The following GDPD5 variants were observed in gnomAD, a reference collection of about 807,000 sequenced individuals.
The protein encoded by GDPD5 is glycerophosphodiester phosphodiesterase 2.
In GDPD5, 48 loss-of-function variants were observed where a neutral mutation model predicts 75.1. That is an observed-to-expected ratio of 0.64 (90% CI 0.51 to 0.81). The LOEUF is 0.81. Ranked by LOEUF, GDPD5 falls within the 40% of genes least tolerant of loss-of-function variation. The pLI is 0.00. For missense variants in GDPD5, 706 were observed against 822.6 expected, an observed-to-expected ratio of 0.86 and a Z score of 1.73; for synonymous variants, 336 against 339.0, an observed-to-expected ratio of 0.99 and a Z score of 0.10.
At chr11:75,489,741 T>C (rs1003644467) in intron 2 of GDPD5, among the ~76,000 whole-genome samples, 1 of 124,472 alleles carries the variant, frequency 8.0e-6, no homozygotes, top group Non-Finnish European at 1.8e-5. Context: ...TGGGTTTTCA[T>C]TTTTTTTTTT....
In GDPD5 at chr11:75,441,435, C is replaced by T. The variant is rs1008830627; in HGVS notation, c.1326-125G>A. ...ATGCCCGGGGCAAGGAACATTGGCT[C>T]CAGAGGGCCAAGCTCCGGGACAAGC... On this transcript the variant is annotated intron_variant, in intron 13 of 16. Transcript: ENST00000336898. 7.0e-5 allele frequency: 91 copies of T among 1,306,920 alleles called. 2 individuals are homozygous for T. The Admixed American group carries it at 1.7e-3, about 25-fold the overall frequency. 81.0% of individuals were successfully genotyped at this position (1,306,920 alleles called of 1,614,324 possible).
chr11:75,509,815 G>A (rs1432454374), intron 1 of GDPD5, among the ~76,000 whole-genome samples: 1 of 152,202 alleles, frequency 6.6e-6, no homozygotes, highest in Admixed American at 6.5e-5. Flanking sequence ...GAGGAGCTGG[G>A]ATTACAGGCA....
intron 15 of GDPD5, chr11:75,438,784 A>G (rs1948697631): frequency 6.5e-6 from 1 of 154,948 alleles, no homozygotes; most frequent in Non-Finnish European, 1.4e-5. Context: ...TCTGAGGGGA[A>G]TGAGGAAAAG....
chr11:75,489,609 AT>A (rs1422496221), intron 2 of GDPD5, among the ~76,000 whole-genome samples: 2 of 152,226 alleles, frequency 1.3e-5, no homozygotes, highest in Non-Finnish European at 2.9e-5. Flanking sequence ...CTTTTAAAAT[AT>A]AAATCTTCTC....
intron 3 of GDPD5, among the ~76,000 whole-genome samples, chr11:75,472,106 G>C (rs1196071899): frequency 6.6e-6 from 1 of 152,154 alleles, no homozygotes; most frequent in African/African-American, 2.4e-5. Context: ...GTACAAGACA[G>C]GAGGCACATT....
chr11:75,510,802 G>C lies in GDPD5; in HGVS notation c.-145+14408C>G, dbSNP rs79033534. On this transcript the variant is annotated intron_variant, in intron 1 of 16. Coordinates refer to ENST00000336898, the MANE Select transcript of GDPD5 (RefSeq NM_030792.8). ...CCTCCCCATGCTCTTGACCTCCCTT[G>C]CAACATCTGTGCACTCTGCCCAGGG... is the stretch of plus-strand genomic sequence containing the variant. 2.8e-3 allele frequency among the ~76,000 whole-genome samples: 424 copies of C among 149,856 alleles called. 2 individuals carry two copies. The highest frequency in any genetic ancestry group is 0.01 in the African/African-American group (409 of 40,530).
chr11:75,522,342 G>A (rs1348645007), intron 1 of GDPD5, among the ~76,000 whole-genome samples: 1 of 152,174 alleles, frequency 6.6e-6, no homozygotes, highest in East Asian at 1.9e-4. Flanking sequence ...ATTCCTTCTT[G>A]GAGGGATGTC....
At position 75,435,598 on chromosome 11, in the gene GDPD5, T is replaced by G. The variant is rs1027564886; in HGVS notation, c.1727A>C (p.Tyr576Ser). ...GGCGGTGCTGTTGGCATATGTGTCA[T>G]AACTGTTGTCTGAACATACGGAGAG... ...DVLSVCSDNS[Y>S]DTYANSTATP... The change falls in exon 17 of 17, where the codon TAT becomes TCT. Residue 576 changes from tyrosine to serine, a missense_variant. Transcript: ENST00000336898. 34 of 1,613,584 alleles carry G rather than the reference T, an allele frequency of 2.1e-5. No individual in the cohort carries two copies. Among genetic ancestry groups the G allele is most frequent in the Non-Finnish European group, 2.8e-5 (33 of 1,179,808 alleles).
At chr11:75,468,683 C>A (rs1317306633) in intron 3 of GDPD5, among the ~76,000 whole-genome samples, 2 of 152,118 alleles carry the variant, frequency 1.3e-5, no homozygotes, top group African/African-American at 4.8e-5. Context: ...CCCGACGCCC[C>A]CCCCCCGGGA....
At chr11:75,479,886 T>C (rs1304107442) in intron 2 of GDPD5, among the ~76,000 whole-genome samples, 1 of 152,364 alleles carries the variant, frequency 6.6e-6, no homozygotes, top group East Asian at 1.9e-4. Context: ...GGATCAGCAT[T>C]TCATTCCTTT....
intron 1 of GDPD5, among the ~76,000 whole-genome samples, chr11:75,508,559 T>C (rs1272277976): frequency 6.6e-6 from 1 of 152,202 alleles, no homozygotes; most frequent in Non-Finnish European, 1.5e-5. Flanking sequence ...CTTGGTCTTT[T>C]TAAGACAGGG....
At chr11:75,517,454 C>CA (rs566411414) in intron 1 of GDPD5, 3,200 of 142,288 alleles carry the variant, frequency 0.022, 55 homozygotes, top group African/African-American at 0.03. Context: ...AACTCTGTCT[C>CA]AAAAAAAAAA....
chr11:75,435,626 C>T lies in GDPD5; in HGVS notation c.1699G>A (p.Val567Met). 1 of 1,613,156 alleles carries T rather than the reference C, an allele frequency of 6.2e-7. No individual in the cohort carries two copies. Among genetic ancestry groups the T allele is most frequent in the South Asian group, 1.1e-5 (1 of 90,980 alleles). ...EISDGVEVSDVLSVCSDNSYD... is the reference protein window; with the variant it reads ...EISDGVEVSDMLSVCSDNSYD... ...CTGTTGTCTGAACATACGGAGAGCA[C>T]ATCGGAGACCTCTACACCATCGCTG... The change falls in exon 17 of 17, where the codon GTG becomes ATG. Residue 567 changes from valine (V) to methionine (M), a missense_variant. Physicochemically the swap from Val to Met is conservative, Grantham distance 21. Coordinates refer to ENST00000336898, the MANE Select transcript of GDPD5 (RefSeq NM_030792.8).
In GDPD5 at chr11:75,525,710, G is replaced by A. The variant is rs867248045; in HGVS notation, c.-645C>T. On this transcript the variant is annotated 5_prime_UTR_variant, in exon 1 of 17. Transcript: ENST00000336898. ...CGGGCAGGGCAGGGCAGGCGCCGGC[G>A]GGGAGGCGCGGCGGCCGGAGCCCCG... The A allele has an allele frequency of 6.6e-6, 1 of 150,980 alleles. No individual in the cohort carries two copies. Among genetic ancestry groups the A allele is most frequent in the South Asian group, 2.1e-4 (1 of 4,834 alleles). 9.4% of individuals were successfully genotyped at this position (150,980 alleles called of 1,614,324 possible).
chr11:75,470,392 A>T (rs1211486838), intron 3 of GDPD5, among the ~76,000 whole-genome samples: 1 of 152,206 alleles, frequency 6.6e-6, no homozygotes, highest in Non-Finnish European at 1.5e-5. Context: ...AGTCAAATCT[A>T]TCCCTCTTTT....
intron 2 of GDPD5, chr11:75,485,552 C>CAT (rs61294681): frequency 6.8e-6 from 1 of 148,020 alleles, no homozygotes; most frequent in Non-Finnish European, 1.5e-5. Context: ...CACACACACA[C>CAT]GTGTGCACCC....
chr11:75,524,686 G>A (rs781584810), intron 1 of GDPD5, among the ~76,000 whole-genome samples: 1 of 152,206 alleles, frequency 6.6e-6, no homozygotes, highest in Non-Finnish European at 1.5e-5. Flanking sequence ...ACAAGGGCCA[G>A]GAGCTGCTGC....
intron 1 of GDPD5, among the ~76,000 whole-genome samples, chr11:75,498,322 C>T (rs1261593700): frequency 1.3e-5 from 2 of 152,350 alleles, no homozygotes; most frequent in South Asian, 2.1e-4. Flanking sequence ...TGTTGACCAA[C>T]GCAAGTTCCC....
chr11:75,471,663 C>G (rs1949668116), intron 3 of GDPD5, among the ~76,000 whole-genome samples: 1 of 152,110 alleles, frequency 6.6e-6, no homozygotes, highest in Non-Finnish European at 1.5e-5. Context: ...TGGTAATGCC[C>G]CATCTCCTGC....
Sources: allele counts gnomAD v4.1 joint callset (sites outside exome capture counted in the v4.1 genomes callset), GRCh38; gene constraint gnomAD v4.1.1; transcripts MANE v1.5; gene names NCBI Gene and HGNC (gene_info 2026-07-23, HGNC 2026-07-21).